FAF1: variants seen among roughly 807,000 people sequenced by gnomAD.
FAF1 encodes FAS-associated factor 1.
Under a neutral mutation model 92.5 loss-of-function variants are expected in FAF1, and 25 were observed. That is an observed-to-expected ratio of 0.27 (90% CI 0.20 to 0.38). The LOEUF (loss-of-function observed/expected upper bound fraction) is 0.38. Ranked by LOEUF, FAF1 falls within the 10% of genes least tolerant of loss-of-function variation. FAF1 has a pLI of 1.00. For missense variants in FAF1, 636 were observed against 793.3 expected (o/e 0.80, Z 2.38); for synonymous variants, 234 against 273.2 (o/e 0.86, Z 1.42).
In FAF1 at chr1:50,670,065, G is replaced by A. The variant is rs185950290; in HGVS notation, c.658-14537C>T. On this transcript the variant is annotated intron_variant, in intron 7 of 18. Transcript: ENST00000396153. Reference sequence around the variant, plus strand: ...GAACAAGGGAGGTGGAGGTTGCGGTGAGCCGAGATTGCGCCATTGCACTCC... The same window carrying A: ...GAACAAGGGAGGTGGAGGTTGCGGTAAGCCGAGATTGCGCCATTGCACTCC... Among the ~76,000 whole-genome samples, 717 of 149,572 alleles carry A rather than the reference G, an allele frequency of 4.8e-3. 4 individuals carry two copies. Among genetic ancestry groups the A allele is most frequent in the Non-Finnish European group, 6.6e-3 (450 of 67,752 alleles).
At chr1:50,567,278 A>G in intron 12 of FAF1, 47 bp from the exon 13 acceptor site, 2 of 1,452,056 alleles carry the variant, frequency 1.4e-6, no homozygotes, top group Non-Finnish European at 9.3e-7. Context: ...CCACTAATGT[A>G]AGATTTCTTA....
At chr1:50,816,705 T>C (rs1394375895) in intron 2 of FAF1, among the ~76,000 whole-genome samples, 1 of 152,198 alleles carries the variant, frequency 6.6e-6, no homozygotes, top group Non-Finnish European at 1.5e-5. Context: ...CACTTGTCAA[T>C]TTTTGTTTCG....
intron 2 of FAF1, among the ~76,000 whole-genome samples, chr1:50,855,860 G>A (rs1055134937): frequency 6.6e-6 from 1 of 151,758 alleles, no homozygotes; most frequent in African/African-American, 2.4e-5. Context: ...TTTTGCTTGG[G>A]CCTGATACAG....
At position 50,725,606 on chromosome 1, in the gene FAF1, C is replaced by T. The variant is rs113113684; in HGVS notation, c.551+13257G>A. ...GAGTAGCTGGGATTACAGGTGTGTG[C>T]CACCATGCCCAGCTAATTTTTGTAT... On this transcript the variant is annotated intron_variant, in intron 6 of 18. Coordinates refer to ENST00000396153, the MANE Select transcript of FAF1 (RefSeq NM_007051.3). 3.0e-3 allele frequency among the ~76,000 whole-genome samples: 457 copies of T among 152,176 alleles called. 4 individuals carry two copies. Among genetic ancestry groups the T allele is most frequent in the African/African-American group, 0.01 (431 of 41,560 alleles).
At chr1:50,724,585 T>C (rs1658567952) in intron 6 of FAF1, among the ~76,000 whole-genome samples, 4 of 152,312 alleles carry the variant, frequency 2.6e-5, no homozygotes, top group African/African-American at 9.6e-5. Context: ...ACAGGGAAGA[T>C]AAAATTTCTG....
chr1:50,947,443 A>G (rs1474523316), intron 1 of FAF1, among the ~76,000 whole-genome samples: 1 of 152,248 alleles, frequency 6.6e-6, no homozygotes, highest in African/African-American at 2.4e-5. Context: ...ACAAGTAAAT[A>G]TAAAGCCAGG....
intron 15 of FAF1, among the ~76,000 whole-genome samples, chr1:50,493,096 G>C (rs987697607): frequency 1.3e-5 from 2 of 149,636 alleles, no homozygotes; most frequent in Non-Finnish European, 3.0e-5. Context: ...GCAGTGGTAC[G>C]ATCTCCACTC....
chr1:50,879,058 C>G (rs1037684164), intron 1 of FAF1, among the ~76,000 whole-genome samples: 1 of 152,046 alleles, frequency 6.6e-6, no homozygotes, highest in Admixed American at 6.6e-5. Flanking sequence ...CAAGCCTGAC[C>G]AACATGGTGA....
intron 18 of FAF1, among the ~76,000 whole-genome samples, chr1:50,461,219 A>C (rs1237087696): frequency 1.3e-5 from 2 of 152,274 alleles, no homozygotes; most frequent in East Asian, 3.9e-4. Context: ...TCTTAACCTC[A>C]GGTGTATTAT....
At chr1:50,872,543 C>CAGCA (rs1436527689) in intron 1 of FAF1, among the ~76,000 whole-genome samples, 2 of 152,150 alleles carry the variant, frequency 1.3e-5, no homozygotes, top group East Asian at 3.8e-4. Flanking sequence ...ACTGATAAAG[C>CAGCA]AGCAGTAGGG....
chr1:50,759,601 G>A (rs138704662), intron 4 of FAF1, among the ~76,000 whole-genome samples: 10,127 of 151,832 alleles, frequency 0.067, 399 homozygotes, highest in East Asian at 0.1. Context: ...GAATAGTGCC[G>A]CAATAAACAT....
At chr1:50,861,258 A>C (rs1375618015) in intron 1 of FAF1, among the ~76,000 whole-genome samples, 1 of 151,872 alleles carries the variant, frequency 6.6e-6, no homozygotes, top group Non-Finnish European at 1.5e-5. Flanking sequence ...TAAAAACAAG[A>C]GACTGCTATG....
At chr1:50,620,375 T>C (rs576108233) in intron 8 of FAF1, among the ~76,000 whole-genome samples, 1 of 152,252 alleles carries the variant, frequency 6.6e-6, no homozygotes, top group Non-Finnish European at 1.5e-5. Context: ...TATTGTATTA[T>C]GAAATTCTTG....
At chr1:50,888,609 C>T (rs1044900440) in intron 1 of FAF1, among the ~76,000 whole-genome samples, 3 of 152,090 alleles carry the variant, frequency 2.0e-5, no homozygotes, top group Non-Finnish European at 4.4e-5. Context: ...TTGTCAAAGG[C>T]CTTTTCTGCA....
chr1:50,937,569 G>C (rs1386575328), intron 1 of FAF1, among the ~76,000 whole-genome samples: 2 of 152,014 alleles, frequency 1.3e-5, no homozygotes, highest in Non-Finnish European at 2.9e-5. Context: ...TTTCAGCCCT[G>C]GGACTTTGTA....
In FAF1 at chr1:50,910,424, G is replaced by A. The variant is rs550481548; in HGVS notation, c.45+49343C>T. On this transcript the variant is annotated intron_variant, in intron 1 of 18. Coordinates refer to ENST00000396153, the MANE Select transcript of FAF1 (RefSeq NM_007051.3). ...ACTCTCTTCAAAGCTGTCAGACAGG[G>A]AAGTTTAAGTCTGCAGAAGTTTCTG... Among the ~76,000 whole-genome samples the A allele has an allele frequency of 1.9e-3, 288 of 152,304 alleles. 1 individual carries two copies. Among genetic ancestry groups the A allele is most frequent in the Non-Finnish European group, 1.9e-3 (132 of 68,026 alleles).
intron 2 of FAF1, among the ~76,000 whole-genome samples, chr1:50,810,028 C>A (rs1662356977): frequency 1.3e-5 from 2 of 151,948 alleles, no homozygotes; most frequent in African/African-American, 4.8e-5. Flanking sequence ...GGCTGAGGCC[C>A]GTGGATCACA....
At chr1:50,861,137 G>A (rs1346259285) in intron 1 of FAF1, among the ~76,000 whole-genome samples, 1 of 151,778 alleles carries the variant, frequency 6.6e-6, no homozygotes, top group African/African-American at 2.4e-5. Context: ...TGAGTGACAA[G>A]ATCATTTCAT....
At chr1:50,535,816 T>G (rs919560558) in intron 14 of FAF1, among the ~76,000 whole-genome samples, 2 of 152,230 alleles carry the variant, frequency 1.3e-5, no homozygotes, top group African/African-American at 4.8e-5. Context: ...ATTGTTTATA[T>G]ATCACTGATT....
Sources: gnomAD v4.1 joint callset for allele counts (sites outside exome capture counted in the v4.1 genomes callset) on GRCh38, gnomAD v4.1.1 for gene constraint, MANE v1.5 for transcripts, NCBI Gene and HGNC (gene_info 2026-07-23, HGNC 2026-07-21) for gene names.